Variants in MRGPRX3 observed in about 807,000 individuals in gnomAD.
MRGPRX3 encodes mas-related G protein-coupled receptor member X3.
A neutral mutation model predicts 16.5 loss-of-function variants in MRGPRX3; 14 were observed. The observed-to-expected ratio is 0.85, with a 90% confidence interval of 0.56 to 1.33. MRGPRX3 has a LOEUF of 1.33. Ranked by LOEUF, MRGPRX3 falls within the 40% of genes most tolerant of loss-of-function variation. The pLI is 0.00. For missense variants in MRGPRX3, 449 were observed against 413.0 expected, an observed-to-expected ratio of 1.09 and a Z score of -0.76; for synonymous variants, 199 against 180.1, an observed-to-expected ratio of 1.10 and a Z score of -0.84.
At position 18,137,272 on chromosome 11, in the gene MRGPRX3, T is replaced by C; in HGVS notation, c.70T>C (p.Tyr24His). Residue 24 changes from tyrosine (Y) to histidine (H), a missense_variant, in exon 2 of 2, where the codon TAC becomes CAC. Physicochemically the swap from Tyr to His is moderately conservative, Grantham distance 83. Coordinates refer to ENST00000621697, the MANE Select transcript of MRGPRX3 (RefSeq NM_001370464.1). ...CAACGGACGTGAGGAGACTCCTTGC[T>C]ACAAGCAGACCCTGAGCTTCACGGG... ...PINGREETPCYKQTLSFTGLT... is the reference protein window; with the variant it reads ...PINGREETPCHKQTLSFTGLT... 1 of 1,614,102 alleles carries C rather than the reference T, an allele frequency of 6.2e-7. No homozygotes were observed. Among genetic ancestry groups the C allele is most frequent in the South Asian group, 1.1e-5 (1 of 91,078 alleles).
At position 18,137,653 on chromosome 11, in the gene MRGPRX3, C is replaced by G; in HGVS notation, c.451C>G (p.Leu151Val). ...VMCVLLWALS[L>V]LRSILEWMFC... ...GTGTGTCCTGCTCTGGGCCCTGTCCCTGCTGCGGAGTATCCTGGAGTGGAT... is the reference window on the plus strand; with the variant it reads ...GTGTGTCCTGCTCTGGGCCCTGTCCGTGCTGCGGAGTATCCTGGAGTGGAT... The change falls in exon 2 of 2, where the codon CTG becomes GTG. Residue 151 changes from leucine to valine, a missense_variant. Coordinates refer to ENST00000621697, the MANE Select transcript of MRGPRX3 (RefSeq NM_001370464.1). The G allele has an allele frequency of 6.2e-7, 1 of 1,614,166 alleles. No homozygotes were observed. Among genetic ancestry groups the G allele is most frequent in the Non-Finnish European group, 8.5e-7 (1 of 1,180,026 alleles).
In MRGPRX3 at chr11:18,132,589, G is replaced by A. The variant is rs1848971885; in HGVS notation, c.-176G>A. The stretch of plus-strand genomic sequence containing the variant: ...ACTGTCCAGCATCTTCGTAAGCCTG[G>A]ATTGCTCACCAGCTTTCATTTCAGC... On this transcript the variant is annotated 5_prime_UTR_variant, in exon 1 of 2. Transcript: ENST00000621697. 6.6e-6 allele frequency: 1 copy of A among 152,304 alleles called. No individual in the cohort carries two copies. Among genetic ancestry groups the A allele is most frequent in the South Asian group, 2.1e-4 (1 of 4,828 alleles). 9.4% of individuals were successfully genotyped at this position (152,304 alleles called of 1,614,324 possible).
In MRGPRX3 at chr11:18,134,507, T is replaced by C. The variant is rs1411954252; in HGVS notation, c.-26+1768T>C. 2.0e-5 allele frequency among the ~76,000 whole-genome samples: 3 copies of C among 152,228 alleles called. No homozygotes were observed. The East Asian group carries it at 5.8e-4, about 29-fold the overall frequency. On this transcript the variant is annotated intron_variant, in intron 1 of 1. Coordinates refer to ENST00000621697, the MANE Select transcript of MRGPRX3 (RefSeq NM_001370464.1). ...TTTAATGTATCTGGGAGAAAGTGCA[T>C]AGAGTATATACAAATACCACATATA...
At chr11:18,136,681 A>G (rs1282837241) in intron 1 of MRGPRX3, among the ~76,000 whole-genome samples, 2 of 152,214 alleles carry the variant, frequency 1.3e-5, no homozygotes, top group African/African-American at 4.8e-5. Flanking sequence ...TCCTGTCTGC[A>G]ATGACTGACA....
chr11:18,122,241 T>C (rs1330647726), intron 1 of MRGPRX3, among the ~76,000 whole-genome samples: 2 of 152,280 alleles, frequency 1.3e-5, no homozygotes, highest in Non-Finnish European at 2.9e-5. Context: ...CTAGGGTACA[T>C]GTGCACAACA....
At position 18,137,098 on chromosome 11, in the gene MRGPRX3, AC is replaced by A. The variant is rs199922455; in HGVS notation, c.-25-79del. ...TCTGATCTCTCCTCTTTAAATGAGG[AC>A]AGTAAATCCCACATGGCAGGGTGGT... On this transcript the variant is annotated intron_variant, in intron 1 of 1. Transcript: ENST00000621697. 449 of 1,379,852 alleles carry A rather than the reference AC, an allele frequency of 3.3e-4. 2 individuals carry two copies. In the African/African-American group the frequency reaches 5.0e-3, roughly 16 times the overall value. The allele number at this position is 1,379,852 out of a possible 1,614,324, so 85.5% of individuals were successfully genotyped here.
chr11:18,130,849 GA>G (rs1848955002), upstream of MRGPRX3, among the ~76,000 whole-genome samples: 1 of 152,084 alleles, frequency 6.6e-6, no homozygotes, highest in South Asian at 2.1e-4. Context: ...TAGACCAATG[GA>G]AAAGAAGAGA....
In MRGPRX3 at chr11:18,138,462, A is replaced by G; in HGVS notation, c.*291A>G. The G allele has an allele frequency of 2.9e-6, 1 of 344,208 alleles. No individual in the cohort carries two copies. Among genetic ancestry groups the G allele is most frequent in the East Asian group, 5.5e-5 (1 of 18,162 alleles). 21.3% of individuals were successfully genotyped at this position (344,208 alleles called of 1,614,324 possible). A position where few individuals can be genotyped will look rare whatever the true frequency, so the allele number is the denominator to read the frequency against. ...TTTTCTGCACTTTTCATTGTAATAAAAGGAGTTGCTGTCCACAACCCTAAA... is the reference window on the plus strand; with the variant it reads ...TTTTCTGCACTTTTCATTGTAATAAGAGGAGTTGCTGTCCACAACCCTAAA... On this transcript the variant is annotated 3_prime_UTR_variant, in exon 2 of 2. Coordinates refer to ENST00000621697, the MANE Select transcript of MRGPRX3 (RefSeq NM_001370464.1).
intron 1 of MRGPRX3, among the ~76,000 whole-genome samples, chr11:18,127,190 G>T (rs1848907678): frequency 6.6e-6 from 1 of 152,156 alleles, no homozygotes; most frequent in Non-Finnish European, 1.5e-5. Context: ...CTTTCTCTCT[G>T]GCTGCCCTTA....
chr11:18,132,152 C>G (rs1564880907), upstream of MRGPRX3, among the ~76,000 whole-genome samples: 1 of 152,146 alleles, frequency 6.6e-6, no homozygotes, highest in Non-Finnish European at 1.5e-5. Flanking sequence ...AAAAGTGTAG[C>G]AAGTGGTAGC....
At chr11:18,122,723 A>G (rs1427268485) in intron 1 of MRGPRX3, among the ~76,000 whole-genome samples, 2 of 152,158 alleles carry the variant, frequency 1.3e-5, no homozygotes, top group Admixed American at 6.5e-5. Context: ...GGCTGGGTCA[A>G]ATGGTATTTC....
upstream of MRGPRX3, among the ~76,000 whole-genome samples, chr11:18,131,879 G>T (rs1848963372): frequency 6.6e-6 from 1 of 152,054 alleles, no homozygotes; most frequent in African/African-American, 2.4e-5. Context: ...GGCATAGAAT[G>T]ATATAATGAA....
At chr11:18,122,027 G>GAAAAAAAA (rs57582114) in intron 1 of MRGPRX3, among the ~76,000 whole-genome samples, 1 of 137,360 alleles carries the variant, frequency 7.3e-6, no homozygotes, top group Admixed American at 7.2e-5. Context: ...AAGAAAAAAA[G>GAAAAAAAA]AAAAAAAAAA....
intron 1 of MRGPRX3, among the ~76,000 whole-genome samples, chr11:18,135,404 A>G (rs1176971343): frequency 6.6e-6 from 1 of 152,094 alleles, no homozygotes; most frequent in African/African-American, 2.4e-5. Flanking sequence ...TTTTGGGCCA[A>G]TCAGAGCTGT....
At chr11:18,128,634 G>A (rs184422985), upstream of MRGPRX3, among the ~76,000 whole-genome samples, 13 of 152,330 alleles carry the variant, frequency 8.5e-5, no homozygotes, top group East Asian at 2.1e-3. Context: ...GGAAAGCGCA[G>A]TATTAGGATG....
chr11:18,132,308 T>C (rs1356520590), upstream of MRGPRX3, among the ~76,000 whole-genome samples: 1 of 152,206 alleles, frequency 6.6e-6, no homozygotes, highest in African/African-American at 2.4e-5. Flanking sequence ...AATGGTCCCA[T>C]GATCTACTTT....
rs553696551 is a variant in MRGPRX3, at chr11:18,126,897, GAC to G, written c.-151-5715_-151-5714del. On this transcript the variant is annotated intron_variant, in intron 1 of 2. Transcript: ENST00000396275. ...TTCTTAATCCAGTCTATCATTGTTG[GAC>G]ATTTGGGTTGGTTCCAAGTCTTTGC... Among the ~76,000 whole-genome samples, 13 of 152,240 alleles carry G rather than the reference GAC, an allele frequency of 8.5e-5. No homozygotes were observed. In the South Asian group the frequency reaches 2.7e-3, roughly 32 times the overall value.
chr11:18,130,690 A>C (rs4469871), upstream of MRGPRX3, among the ~76,000 whole-genome samples: 6,879 of 97,156 alleles, frequency 0.071, 545 homozygotes, highest in African/African-American at 0.18. Flanking sequence ...CATATGGAAC[A>C]ACAACCAAAA....
Position 18,137,559 on chromosome 11 carries a change from G to C in MRGPRX3, c.357G>C (p.Glu119Asp), listed in dbSNP as rs1849022878. 2 of 1,614,024 alleles carry C rather than the reference G, an allele frequency of 1.2e-6. No individual in the cohort carries two copies. The highest frequency in any genetic ancestry group is 1.6e-4 in the Middle Eastern group (1 of 6,084). Residue 119 changes from glutamate to aspartate, a missense_variant, in exon 2 of 2, where the codon GAG (glutamate) becomes GAC (aspartate). Coordinates refer to ENST00000621697, the MANE Select transcript of MRGPRX3 (RefSeq NM_001370464.1). ...GCATGCTGAGCGCCATCAGCACCGA[G>C]CGCTGCCTGTCCATCCTGTGGCCCA... ...GLSMLSAIST[E>D]RCLSILWPIW...
Sources: gnomAD v4.1 joint callset for allele counts (sites outside exome capture counted in the v4.1 genomes callset) on GRCh38, gnomAD v4.1.1 for gene constraint, MANE v1.5 for transcripts, NCBI Gene and HGNC (gene_info 2026-07-23, HGNC 2026-07-21) for gene names.